The following EBF4 variants were observed in gnomAD, a reference collection of about 807,000 sequenced individuals.
EBF4 encodes EBF transcription factor 4.
In EBF4, 34 loss-of-function variants were observed where a neutral mutation model predicts 67.1. The observed-to-expected ratio is 0.51, with a 90% confidence interval of 0.39 to 0.67. The LOEUF is 0.67. EBF4 is among the 30% of genes least tolerant of loss of function. EBF4 has a pLI of 0.00. For missense variants in EBF4, 837 were observed against 873.3 expected (o/e 0.96, Z 0.52); for synonymous variants, 387 against 377.7 (o/e 1.02, Z -0.29).
chr20:2,700,483 C>T (rs1016376800), intron 1 of EBF4, among the ~76,000 whole-genome samples: 4 of 152,114 alleles, frequency 2.6e-5, no homozygotes, highest in South Asian at 4.1e-4. Flanking sequence ...CACTTTGGAG[C>T]GGCACCATGA....
intron 10 of EBF4, among the ~76,000 whole-genome samples, chr20:2,750,401 C>T (rs7271395): frequency 0.018 from 2,807 of 152,288 alleles, 86 homozygotes; most frequent in African/African-American, 0.064. Flanking sequence ...TACCCCAGGC[C>T]TCACTCTGCA....
At chr20:2,706,635 G>A (rs971338572) in intron 4 of EBF4, among the ~76,000 whole-genome samples, 1 of 152,128 alleles carries the variant, frequency 6.6e-6, no homozygotes, top group African/African-American at 2.4e-5. Context: ...GGCACCAGAA[G>A]TGTCCCCCCT....
chr20:2,755,338 T>G lies in EBF4; in HGVS notation c.1541-289T>G, dbSNP rs2088224680. Reference sequence around the variant, plus strand: ...AGTAGTCCAGCTGTTGCTCATCTCATTTTTGGGGGGTACCTCCCACTGTTT... The same window carrying G: ...AGTAGTCCAGCTGTTGCTCATCTCAGTTTTGGGGGGTACCTCCCACTGTTT... On this transcript the variant is annotated intron_variant, in intron 14 of 16. Transcript: ENST00000609451. The surrounding 1 kb of genome is among the most constrained non-coding windows in gnomAD (Gnocchi z 4.7). 7 of 429,394 alleles carry G rather than the reference T, an allele frequency of 1.6e-5. No homozygotes were observed. Among genetic ancestry groups the G allele is most frequent in the East Asian group, 4.3e-5 (1 of 23,364 alleles). 26.6% of individuals were successfully genotyped at this position (429,394 alleles called of 1,614,324 possible).
chr20:2,743,340 G>T (rs76006985), intron 6 of EBF4, among the ~76,000 whole-genome samples: 1 of 152,134 alleles, frequency 6.6e-6, no homozygotes, highest in Non-Finnish European at 1.5e-5. Context: ...GGGAGAGCCC[G>T]GGCACTGCTC....
intron 6 of EBF4, among the ~76,000 whole-genome samples, chr20:2,725,786 C>T (rs1369240735): frequency 2.0e-5 from 3 of 152,186 alleles, no homozygotes; most frequent in Non-Finnish European, 4.4e-5. Flanking sequence ...TCAGGTGGTT[C>T]CTATTCTCCA....
rs1355419254 is a variant in EBF4, at chr20:2,693,983, C to T, written c.137+201C>T. 1.3e-5 allele frequency among the ~76,000 whole-genome samples: 2 copies of T among 152,208 alleles called. No individual in the cohort carries two copies. Among genetic ancestry groups the T allele is most frequent in the Non-Finnish European group, 2.9e-5 (2 of 68,030 alleles). ...GCGGGCTGGGGCGGGGCTTCTGCCT[C>T]CACTCCGGGCTGCCCCGGTAGATTT... On this transcript the variant is annotated intron_variant, in intron 1 of 16. Coordinates refer to ENST00000609451, the Ensembl canonical transcript of EBF4. The surrounding 1 kb of genome is among the most constrained non-coding windows in gnomAD (Gnocchi z 4.6).
At chr20:2,758,076 A>G (rs2088272956) in intron 15 of EBF4, among the ~76,000 whole-genome samples, 1 of 152,278 alleles carries the variant, frequency 6.6e-6, no homozygotes, top group East Asian at 1.9e-4. Flanking sequence ...GACTGAAGCC[A>G]GTAAAACAAG....
At chr20:2,712,409 A>C (rs1205220522) in intron 6 of EBF4, among the ~76,000 whole-genome samples, 3 of 152,184 alleles carry the variant, frequency 2.0e-5, no homozygotes, top group African/African-American at 7.2e-5. Flanking sequence ...AAGGAGAGAG[A>C]GAGAGTCAAA....
At position 2,752,410 on chromosome 20, in the gene EBF4, G is replaced by T. The variant is rs772338698; in HGVS notation, c.1405G>T (p.Gly469Cys). The change falls in exon 14 of 17, where the codon GGC becomes TGC. Residue 469 changes from glycine (G) to cysteine (C), a missense_variant. Coordinates refer to ENST00000609451, the Ensembl canonical transcript of EBF4. ...CCCCCGCGGGTTCGCGCCCAGCCCCGGCTCGCAGCAGAGCGGCTACGGCGG... is the reference window on the plus strand; with the variant it reads ...CCCCCGCGGGTTCGCGCCCAGCCCCTGCTCGCAGCAGAGCGGCTACGGCGG... The T allele has an allele frequency of 1.6e-4, 203 of 1,289,008 alleles. 1 individual carries two copies. In the African/African-American group the frequency reaches 2.8e-3, roughly 18 times the overall value. The allele number at this position is 1,289,008 out of a possible 1,614,324, so 79.8% of individuals were successfully genotyped here. A position where few individuals can be genotyped will look rare whatever the true frequency, so the allele number is the denominator to read the frequency against.
At chr20:2,748,321 C>T (rs2088082655) in intron 6 of EBF4, among the ~76,000 whole-genome samples, 1 of 152,056 alleles carries the variant, frequency 6.6e-6, no homozygotes, top group African/African-American at 2.4e-5. Flanking sequence ...GTGATCAGCA[C>T]ACGGTGTGTA....
intron 5 of EBF4, among the ~76,000 whole-genome samples, chr20:2,709,082 G>C (rs2087501476): frequency 6.6e-6 from 1 of 152,144 alleles, no homozygotes; most frequent in African/African-American, 2.4e-5. Flanking sequence ...GCTATGTTAG[G>C]AGGCTGAGGC....
At chr20:2,753,731 G>A (rs780382076) in intron 14 of EBF4, among the ~76,000 whole-genome samples, 1 of 152,250 alleles carries the variant, frequency 6.6e-6, no homozygotes, top group Non-Finnish European at 1.5e-5. Context: ...TCCTTGCAGG[G>A]CGTGTGTCCT....
rs1428473007 is a variant in EBF4, at chr20:2,693,681, G to C, written c.36G>C (p.Gly12=). 6.9e-7 allele frequency: 1 copy of C among 1,441,310 alleles called. No homozygotes were observed. The highest frequency in any genetic ancestry group is 9.1e-7 in the Non-Finnish European group (1 of 1,103,250). The allele number at this position is 1,441,310 out of a possible 1,614,324, so 89.3% of individuals were successfully genotyped here. A position where few individuals can be genotyped will look rare whatever the true frequency, so the allele number is the denominator to read the frequency against. The stretch of plus-strand genomic sequence containing the variant: ...CGCAGGACGCTCTGCCCCGCAGCGG[G>C]CTGAACCTGAAGGAGGAGCCGCTGC... Residue 12 remains glycine (G), a synonymous_variant, in exon 1 of 17, where the codon GGG becomes GGC. Coordinates refer to ENST00000609451, the Ensembl canonical transcript of EBF4. This position sits in a 1 kb window ranked among gnomAD's most constrained non-coding sequence, Gnocchi z 4.6.
chr20:2,740,369 C>A (rs2087950113), intron 6 of EBF4, among the ~76,000 whole-genome samples: 1 of 152,162 alleles, frequency 6.6e-6, no homozygotes, highest in African/African-American at 2.4e-5. Flanking sequence ...TCCTCAGTTG[C>A]ACTAGCCACA....
At chr20:2,733,097 T>C (rs2087835852) in intron 6 of EBF4, among the ~76,000 whole-genome samples, 2 of 152,298 alleles carry the variant, frequency 1.3e-5, no homozygotes, top group Non-Finnish European at 2.9e-5. Flanking sequence ...ATCCTCTCAG[T>C]TTTTGTTTAT....
At position 2,708,140 on chromosome 20, in the gene EBF4, G is replaced by A. The variant is rs571952934; in HGVS notation, c.488+120G>A. On this transcript the variant is annotated intron_variant, in intron 5 of 16. Transcript: ENST00000609451. ...CTGCTCTCTGCTGCTGCTCCCTGGAGAAGCCTGGTGGCAGGTGATGAAGGG... is the reference window on the plus strand; with the variant it reads ...CTGCTCTCTGCTGCTGCTCCCTGGAAAAGCCTGGTGGCAGGTGATGAAGGG... 1.2e-4 allele frequency: 123 copies of A among 1,041,686 alleles called. 1 individual carries two copies. The Middle Eastern group carries it at 5.2e-3, about 44-fold the overall frequency. The allele number at this position is 1,041,686 out of a possible 1,614,324, so 64.5% of individuals were successfully genotyped here. A position where few individuals can be genotyped will look rare whatever the true frequency, so the allele number is the denominator to read the frequency against.
At chr20:2,726,139 A>G (rs1337659365) in intron 6 of EBF4, among the ~76,000 whole-genome samples, 5 of 152,164 alleles carry the variant, frequency 3.3e-5, no homozygotes, top group Non-Finnish European at 5.9e-5. Context: ...TCTTCCATCA[A>G]TTGGAAATAT....
In EBF4 at chr20:2,748,692, G is replaced by C. The variant is rs565147642; in HGVS notation, c.639+62G>C. On this transcript the variant is annotated intron_variant, in intron 7 of 16. Transcript: ENST00000609451. Reference sequence around the variant, plus strand: ...CCCTTTCCTGATGGAGGGGAGGGGAGGGGGAAGGGAAGGCTGTGACCCTGC... The same window carrying C: ...CCCTTTCCTGATGGAGGGGAGGGGACGGGGAAGGGAAGGCTGTGACCCTGC... The C allele has an allele frequency of 4.0e-4, 600 of 1,512,796 alleles. 9 individuals carry two copies. The South Asian group carries it at 6.9e-3, about 17-fold the overall frequency. 93.7% of individuals were successfully genotyped at this position (1,512,796 alleles called of 1,614,324 possible). A position where few individuals can be genotyped will look rare whatever the true frequency, so the allele number is the denominator to read the frequency against.
chr20:2,732,804 T>C (rs2087831641), intron 6 of EBF4, among the ~76,000 whole-genome samples: 1 of 149,052 alleles, frequency 6.7e-6, no homozygotes, highest in South Asian at 2.1e-4. Context: ...TTCTTTTTCT[T>C]TTATTTTTTC....
Sources: gnomAD v4.1 joint callset for allele counts (sites outside exome capture counted in the v4.1 genomes callset) on GRCh38, gnomAD v4.1.1 for gene constraint, Gnocchi (gnomAD v3.1) non-coding constraint, MANE v1.5 for transcripts, NCBI Gene and HGNC (gene_info 2026-07-23, HGNC 2026-07-21) for gene names.